SGCZ: variants seen among roughly 807,000 people sequenced by gnomAD.
SGCZ encodes sarcoglycan zeta.
SGCZ carries 40 observed loss-of-function variants against 41.3 expected under a neutral mutation model. The ratio of observed to expected loss-of-function variants is 0.97; its 90% confidence interval spans 0.75 to 1.26. SGCZ has a LOEUF of 1.26. Among genes scored for constraint, SGCZ ranks in the 50% most tolerant of loss-of-function variants. SGCZ has a pLI of 0.00. For synonymous variants in SGCZ, 206 were observed against 137.5 expected (o/e 1.50, Z -3.49); for missense variants, 552 against 369.8 (o/e 1.49, Z -4.04).
chr8:15,195,890 A>ATT lies in SGCZ; in HGVS notation c.39+41693_39+41694dup, dbSNP rs10548247. On this transcript the variant is annotated intron_variant, in intron 1 of 7. Coordinates refer to ENST00000382080, the MANE Select transcript of SGCZ (RefSeq NM_139167.4). ...GGGTTTTATACATCCTTAGGCTTCG[A>ATT]TTTTTTTTTTTTTTTTTTTTTTTTT... Among the ~76,000 whole-genome samples the ATT allele has an allele frequency of 3.3e-3, 243 of 73,148 alleles. 2 individuals are homozygous for ATT. Among genetic ancestry groups the ATT allele is most frequent in the African/African-American group, 6.6e-3 (124 of 18,856 alleles). 48.0% of individuals were successfully genotyped at this position (73,148 alleles called of 152,430 possible). A position where few individuals can be genotyped will look rare whatever the true frequency, so the allele number is the denominator to read the frequency against.
chr8:15,091,630 A>G (rs1224127727), intron 1 of SGCZ, among the ~76,000 whole-genome samples: 1 of 152,234 alleles, frequency 6.6e-6, no homozygotes. Flanking sequence ...CTGGAGATGG[A>G]ACTAAAAAAA....
At chr8:14,880,120 C>A (rs1290968991) in intron 1 of SGCZ, among the ~76,000 whole-genome samples, 1 of 152,134 alleles carries the variant, frequency 6.6e-6, no homozygotes, top group Non-Finnish European at 1.5e-5. Flanking sequence ...GGAATACAGG[C>A]ATGAGCCACT....
intron 1 of SGCZ, among the ~76,000 whole-genome samples, chr8:15,108,641 A>G (rs1441447686): frequency 1.3e-5 from 2 of 152,306 alleles, no homozygotes; most frequent in Middle Eastern, 3.4e-3. Context: ...CTAGCCCCAG[A>G]GCTACGCATA....
At chr8:14,440,644 C>G (rs28672683) in intron 2 of SGCZ, among the ~76,000 whole-genome samples, 8,935 of 149,982 alleles carry the variant, frequency 0.06, 950 homozygotes, top group African/African-American at 0.21. Flanking sequence ...AATGATTGTT[C>G]ATATACATGT....
At chr8:14,105,950 T>TATAA (rs1199747241) in intron 6 of SGCZ, among the ~76,000 whole-genome samples, 1 of 152,176 alleles carries the variant, frequency 6.6e-6, no homozygotes, top group Non-Finnish European at 1.5e-5. Flanking sequence ...AAAATACTTC[T>TATAA]ATAAATGTAT....
chr8:14,253,263 TG>T (rs1563214483), intron 3 of SGCZ, among the ~76,000 whole-genome samples: 1 of 151,848 alleles, frequency 6.6e-6, no homozygotes, highest in Admixed American at 6.6e-5. Context: ...TGTGTGTGTG[TG>T]TGTGTGTGTA....
rs376058271 is a variant in SGCZ, at chr8:14,385,498, C to G, written c.235-61294G>C. Among the ~76,000 whole-genome samples, 20 of 152,272 alleles carry G rather than the reference C, an allele frequency of 1.3e-4. 1 individual carries two copies. Among genetic ancestry groups the G allele is most frequent in the African/African-American group, 3.9e-4 (16 of 41,554 alleles). On this transcript the variant is annotated intron_variant, in intron 2 of 7. Coordinates refer to ENST00000382080, the MANE Select transcript of SGCZ (RefSeq NM_139167.4). ...TGGTTGTGCTATGGTCCACACCATA[C>G]CTTTCAAAATGCACCAAGCTGCCCA...
intron 4 of SGCZ, among the ~76,000 whole-genome samples, chr8:14,220,993 T>C (rs1355526149): frequency 1.4e-5 from 2 of 143,084 alleles, no homozygotes; most frequent in Non-Finnish European, 3.0e-5. Flanking sequence ...TCAGTATTTA[T>C]TTGGTGTGCC....
intron 1 of SGCZ, among the ~76,000 whole-genome samples, chr8:14,793,641 G>A (rs757390195): frequency 2.6e-5 from 4 of 152,046 alleles, no homozygotes; most frequent in Non-Finnish European, 4.4e-5. Context: ...GTACACCCAG[G>A]AACTTTAGGA....
At chr8:14,941,641 T>C (rs1017612039) in intron 1 of SGCZ, among the ~76,000 whole-genome samples, 11 of 152,044 alleles carry the variant, frequency 7.2e-5, no homozygotes, top group Admixed American at 6.6e-4. Context: ...ACTCTTTTTA[T>C]AAACTTTGCC....
At chr8:14,822,442 C>T (rs1802134019) in intron 1 of SGCZ, among the ~76,000 whole-genome samples, 1 of 152,054 alleles carries the variant, frequency 6.6e-6, no homozygotes, top group South Asian at 2.1e-4. Context: ...AATGCAATGC[C>T]TATCAAAATA....
chr8:14,411,012 C>T lies in SGCZ; in HGVS notation c.235-86808G>A, dbSNP rs1210820834. ...AAACAAGATTCAGAAAGTTCTTGTG[C>T]TCTTTGAAACAATTACAATTCCAGA... On this transcript the variant is annotated intron_variant, in intron 2 of 7. Coordinates refer to ENST00000382080, the MANE Select transcript of SGCZ (RefSeq NM_139167.4). 3.9e-5 allele frequency among the ~76,000 whole-genome samples: 6 copies of T among 152,038 alleles called. No homozygotes were observed. The East Asian group carries it at 9.7e-4, about 24-fold the overall frequency.
At chr8:14,562,842 A>T (rs1326834946) in intron 1 of SGCZ, among the ~76,000 whole-genome samples, 1 of 152,148 alleles carries the variant, frequency 6.6e-6, no homozygotes, top group Non-Finnish European at 1.5e-5. Context: ...TGAATGTGAG[A>T]TCAATAATTG....
At chr8:14,945,558 A>C (rs1301580639) in intron 1 of SGCZ, among the ~76,000 whole-genome samples, 2 of 152,046 alleles carry the variant, frequency 1.3e-5, no homozygotes, top group Non-Finnish European at 2.9e-5. Flanking sequence ...TGGGTGGATT[A>C]AGGAATGGCT....
intron 1 of SGCZ, among the ~76,000 whole-genome samples, chr8:14,903,053 T>C (rs1276933038): frequency 6.6e-6 from 1 of 152,148 alleles, no homozygotes; most frequent in Non-Finnish European, 1.5e-5. Context: ...CTCTTGCTCC[T>C]GAGACGATGC....
At chr8:14,727,880 T>C (rs1201734906) in intron 1 of SGCZ, among the ~76,000 whole-genome samples, 1 of 152,186 alleles carries the variant, frequency 6.6e-6, no homozygotes, top group Non-Finnish European at 1.5e-5. Context: ...GAATAAGTTA[T>C]TTGTGTTATA....
chr8:14,926,702 A>G (rs1799763404), intron 1 of SGCZ, among the ~76,000 whole-genome samples: 1 of 151,804 alleles, frequency 6.6e-6, no homozygotes, highest in South Asian at 2.1e-4. Flanking sequence ...GTGCAGTGGC[A>G]TGATCTCAGC....
chr8:15,206,963 G>A (rs1173014735), intron 1 of SGCZ, among the ~76,000 whole-genome samples: 1 of 152,146 alleles, frequency 6.6e-6, no homozygotes, highest in Non-Finnish European at 1.5e-5. Context: ...TAAGGATTTA[G>A]TAAAATAGCT....
intron 1 of SGCZ, among the ~76,000 whole-genome samples, chr8:14,977,161 G>A (rs1801504166): frequency 6.6e-6 from 1 of 152,110 alleles, no homozygotes; most frequent in Non-Finnish European, 1.5e-5. Context: ...AGAAACATAG[G>A]AAAGAGTGTT....
Sources: gnomAD v4.1 joint callset for allele counts (sites outside exome capture counted in the v4.1 genomes callset) on GRCh38, gnomAD v4.1.1 for gene constraint, MANE v1.5 for transcripts, NCBI Gene and HGNC (gene_info 2026-07-23, HGNC 2026-07-21) for gene names.